NUP50: variants seen among roughly 807,000 people sequenced by gnomAD.
The protein encoded by NUP50 is nuclear pore complex protein Nup50.
In NUP50, 14 loss-of-function variants were observed where a neutral mutation model predicts 36.8. The observed-to-expected ratio is 0.38, with a 90% CI of 0.25 to 0.59. The LOEUF (loss-of-function observed/expected upper bound fraction) is 0.59, where lower values mean the gene tolerates loss of function less well. Ranked by LOEUF, NUP50 falls within the 20% of genes least tolerant of loss-of-function variation. The pLI is 0.63. For synonymous variants in NUP50, 195 were observed against 210.8 expected (o/e 0.93, Z 0.65); for missense variants, 455 against 564.6 (o/e 0.81, Z 1.97).
At position 45,181,297 on chromosome 22, in the gene NUP50, G is replaced by A; in HGVS notation, c.1015G>A (p.Glu339Lys). The A allele has an allele frequency of 6.3e-7, 1 of 1,592,812 alleles. No individual in the cohort carries two copies. The highest frequency in any genetic ancestry group is 8.5e-7 in the Non-Finnish European group (1 of 1,173,206). Residue 339 changes from glutamate (E) to lysine (K), a missense_variant, in exon 6 of 8, where the codon GAA (glutamate) becomes AAA (lysine). This residue lies in a region of NUP50 where 287 missense variants were observed against 345.5 expected (regional missense o/e 0.83). Transcript: ENST00000347635. ...DSGECKGGDEEENDEPPKVVV... is the reference protein window; with the variant it reads ...DSGECKGGDEKENDEPPKVVV... ...CATTTTTATAAAAGGTGGAGATGAA[G>A]AAGAGAATGATGAGCCACCCAAAGT...
intron 2 of NUP50, chr22:45,170,951 AT>A (rs1293891272): frequency 2.2e-5 from 29 of 1,300,408 alleles, no homozygotes; most frequent in Non-Finnish European, 2.9e-5. Flanking sequence ...ATAGGTGAGA[AT>A]TTTTGCATGA....
At chr22:45,166,453 ATTTT>A (rs1164553120) in intron 1 of NUP50, 1 of 151,550 alleles carries the variant, frequency 6.6e-6, no homozygotes, top group East Asian at 1.9e-4. Context: ...CGCCCAGCTA[ATTTT>A]TTTATTTTTA....
At chr22:45,173,093 C>A (rs1411098048) in intron 3 of NUP50, among the ~76,000 whole-genome samples, 5 of 152,126 alleles carry the variant, frequency 3.3e-5, no homozygotes, top group Non-Finnish European at 7.4e-5. Context: ...AAAGCTCTTT[C>A]ATGTAGAATT....
At chr22:45,183,992 G>C (rs1394710446) in intron 7 of NUP50, 1 of 202,476 alleles carries the variant, frequency 4.9e-6, no homozygotes, top group African/African-American at 2.4e-5. Flanking sequence ...GAAACTCCAG[G>C]GAGGCATTTT....
chr22:45,172,345 CCT>C (rs2074208534), intron 3 of NUP50: 1 of 152,082 alleles, frequency 6.6e-6, no homozygotes, highest in Non-Finnish European at 1.5e-5. Context: ...ACCTACCCTA[CCT>C]CACGTTTTGC....
intron 4 of NUP50, among the ~76,000 whole-genome samples, chr22:45,176,370 C>T (rs1459267841): frequency 6.6e-6 from 1 of 152,134 alleles, no homozygotes; most frequent in Admixed American, 6.5e-5. Context: ...GGAGAGTGGC[C>T]CTCAGAATTG....
chr22:45,174,995 T>C (rs16993610), intron 3 of NUP50, among the ~76,000 whole-genome samples: 2,380 of 152,150 alleles, frequency 0.016, 72 homozygotes, highest in African/African-American at 0.052. Flanking sequence ...ATCATGGTTA[T>C]AATTCACTCA....
At chr22:45,173,597 C>T (rs1172684758) in intron 3 of NUP50, among the ~76,000 whole-genome samples, 4 of 152,066 alleles carry the variant, frequency 2.6e-5, no homozygotes, top group Non-Finnish European at 4.4e-5. Flanking sequence ...GGCACAGCTC[C>T]GGCAGCTTTC....
chr22:45,182,618 GGTTT>G (rs1210171406), intron 6 of NUP50, among the ~76,000 whole-genome samples: 3 of 95,850 alleles, frequency 3.1e-5, no homozygotes, highest in African/African-American at 4.2e-5. Context: ...AGAGCCTTGA[GGTTT>G]GTTTTTTTTT....
In NUP50 at chr22:45,184,865, T is replaced by C. The variant is rs1044141786; in HGVS notation, c.*210T>C. On this transcript the variant is annotated 3_prime_UTR_variant, in exon 8 of 8. Coordinates refer to ENST00000347635, the MANE Select transcript of NUP50 (RefSeq NM_007172.4). ...CCCTTCTTAAGAACTGCCTAAAGTG[T>C]AAAATACATTTGAATGCAATTTTTG... 1.0e-5 allele frequency: 6 copies of C among 590,738 alleles called. No individual in the cohort carries two copies. Among genetic ancestry groups the C allele is most frequent in the African/African-American group, 9.3e-5 (5 of 53,556 alleles). The allele number at this position is 590,738 out of a possible 1,614,324, so 36.6% of individuals were successfully genotyped here.
chr22:45,164,910 C>G (rs2074071258), intron 1 of NUP50: 1 of 152,268 alleles, frequency 6.6e-6, no homozygotes, highest in Non-Finnish European at 1.5e-5. Flanking sequence ...CCGGGTTATT[C>G]ATCACCCATT....
At chr22:45,176,345 T>C (rs2074276674) in intron 4 of NUP50, among the ~76,000 whole-genome samples, 2 of 152,174 alleles carry the variant, frequency 1.3e-5, no homozygotes, top group Admixed American at 6.5e-5. Flanking sequence ...GGCCTCAGAA[T>C]GTTCAATTTT....
chr22:45,170,287 CTT>C (rs1236742173), intron 2 of NUP50, among the ~76,000 whole-genome samples: 8 of 151,896 alleles, frequency 5.3e-5, no homozygotes, highest in Non-Finnish European at 1.2e-4. Flanking sequence ...CTCTTTATCT[CTT>C]TGTCTTGTGT....
Position 45,186,414 on chromosome 22 carries a change from C to T in NUP50, c.*1759C>T, listed in dbSNP as rs1331054555. ...CCCGATTGACATTAAGTTTATTCAG[C>T]TTTTAAAAAGATGAAGAACTAAGGG... On this transcript the variant is annotated 3_prime_UTR_variant, in exon 8 of 8. Coordinates refer to ENST00000347635, the MANE Select transcript of NUP50 (RefSeq NM_007172.4). The T allele has an allele frequency of 6.6e-6, 1 of 152,164 alleles. No individual in the cohort carries two copies. The highest frequency in any genetic ancestry group is 2.4e-5 in the African/African-American group (1 of 41,438). The allele number at this position is 152,164 out of a possible 1,614,324, so 9.4% of individuals were successfully genotyped here.
chr22:45,173,906 G>A (rs2074237102), intron 3 of NUP50, among the ~76,000 whole-genome samples: 1 of 152,206 alleles, frequency 6.6e-6, no homozygotes. Flanking sequence ...CTCTTAGCCT[G>A]AAGTTTTCAT....
chr22:45,178,668 G>C lies in NUP50; in HGVS notation c.771G>C (p.Lys257Asn), dbSNP rs1569053296. 6.2e-7 allele frequency: 1 copy of C among 1,611,994 alleles called. No homozygotes were observed. Among genetic ancestry groups the C allele is most frequent in the Middle Eastern group, 2.2e-4 (1 of 4,478 alleles). The change falls in exon 5 of 8, where the codon AAG (lysine) becomes AAC (asparagine). Residue 257 changes from lysine to asparagine, a missense_variant. Physicochemically the swap from Lys to Asn is moderately conservative, Grantham distance 94. Transcript: ENST00000347635. Reference protein sequence around the residue: ...PDKKMEVASEKKTDPSSLGAT... With the variant: ...PDKKMEVASENKTDPSSLGAT... The stretch of plus-strand genomic sequence containing the variant: ...AGAAGATGGAGGTGGCATCTGAAAA[G>C]AAAACGGACCCATCATCACTAGGAG...
intron 1 of NUP50, among the ~76,000 whole-genome samples, chr22:45,167,375 G>C (rs943473584): frequency 6.6e-6 from 1 of 152,174 alleles, no homozygotes; most frequent in African/African-American, 2.4e-5. Flanking sequence ...ATTAAGATCA[G>C]AAAACAAATC....
At chr22:45,170,026 C>T (rs2074160674) in intron 2 of NUP50, among the ~76,000 whole-genome samples, 1 of 152,198 alleles carries the variant, frequency 6.6e-6, no homozygotes, top group African/African-American at 2.4e-5. Context: ...AGTCTTTGAT[C>T]TTTCTGATAA....
At chr22:45,176,272 T>C (rs2074275694) in intron 4 of NUP50, among the ~76,000 whole-genome samples, 192 bp downstream of exon 4, 1 of 152,222 alleles carries the variant, frequency 6.6e-6, no homozygotes, top group Non-Finnish European at 1.5e-5. Flanking sequence ...AGGCTTTTGA[T>C]CCAAAACATC....
Sources: gnomAD v4.1 joint callset for allele counts (sites outside exome capture counted in the v4.1 genomes callset) on GRCh38, gnomAD v4.1.1 for gene constraint, gnomAD v4.1.1 regional missense constraint, MANE v1.5 for transcripts, NCBI Gene and HGNC (gene_info 2026-07-23, HGNC 2026-07-21) for gene names.